The following SEMA6D variants were observed in gnomAD, a reference collection of about 807,000 sequenced individuals.
SEMA6D encodes semaphorin 6D.
Under a neutral mutation model 106.6 loss-of-function variants are expected in SEMA6D, and 35 were observed. The observed-to-expected ratio is 0.33, with a 90% CI of 0.25 to 0.44. SEMA6D has a LOEUF of 0.44. SEMA6D is among the 20% of genes least tolerant of loss of function. The pLI is 1.00. For missense variants in SEMA6D, 1,185 were observed against 1,345.9 expected (o/e 0.88, Z 1.87); for synonymous variants, 499 against 487.7 (o/e 1.02, Z -0.31).
intron 1 of SEMA6D, among the ~76,000 whole-genome samples, chr15:47,285,684 CACTT>C (rs1331815866): frequency 3.9e-5 from 6 of 152,146 alleles, no homozygotes; most frequent in Non-Finnish European, 5.9e-5. Flanking sequence ...CAAAAAACGT[CACTT>C]ACTGTGAGGA....
chr15:47,439,316 G>A (rs2041816019), intron 2 of SEMA6D, among the ~76,000 whole-genome samples: 1 of 152,080 alleles, frequency 6.6e-6, no homozygotes, highest in East Asian at 1.9e-4. Flanking sequence ...ATTTTTAAAA[G>A]CGTATATAAA....
At chr15:47,497,669 C>T (rs932228501) in intron 3 of SEMA6D, among the ~76,000 whole-genome samples, 1 of 152,064 alleles carries the variant, frequency 6.6e-6, no homozygotes, top group Admixed American at 6.6e-5. Context: ...CCCGATGCAC[C>T]TTGGCCAATT....
At chr15:47,296,496 A>G (rs2035807009) in intron 1 of SEMA6D, among the ~76,000 whole-genome samples, 1 of 152,252 alleles carries the variant, frequency 6.6e-6, no homozygotes, top group African/African-American at 2.4e-5. Context: ...TGACATTTAT[A>G]CATTTTCTTA....
At chr15:47,202,612 G>A (rs1434456738) in intron 1 of SEMA6D, among the ~76,000 whole-genome samples, 1 of 152,122 alleles carries the variant, frequency 6.6e-6, no homozygotes, top group African/African-American at 2.4e-5. Flanking sequence ...CAAGTCAAAC[G>A]GTCAAACCAT....
In SEMA6D at chr15:47,402,614, C is replaced by A. The variant is rs114591772; in HGVS notation, c.-238-9779C>A. On this transcript the variant is annotated intron_variant, in intron 1 of 19. Transcript: ENST00000558014. ...GCTAATAAGTGGAAAACAACATCAG[C>A]TTCTCTTTATCTGTTTCCACTGGGC... 4.0e-3 allele frequency among the ~76,000 whole-genome samples: 609 copies of A among 152,264 alleles called. 7 individuals carry two copies. The highest frequency in any genetic ancestry group is 0.014 in the African/African-American group (582 of 41,554).
intron 1 of SEMA6D, among the ~76,000 whole-genome samples, chr15:47,220,067 G>C (rs1245331487): frequency 6.6e-6 from 1 of 152,134 alleles, no homozygotes; most frequent in East Asian, 1.9e-4. Context: ...TGATACCTAG[G>C]CTCAGGATGA....
intron 4 of SEMA6D, among the ~76,000 whole-genome samples, chr15:47,637,220 A>T (rs971819472): frequency 6.6e-6 from 1 of 152,126 alleles, no homozygotes; most frequent in Non-Finnish European, 1.5e-5. Context: ...GCTCCAGGAG[A>T]CCTCAACTTA....
chr15:47,336,970 A>T (rs2037588847), intron 1 of SEMA6D, among the ~76,000 whole-genome samples: 1 of 152,110 alleles, frequency 6.6e-6, no homozygotes, highest in Non-Finnish European at 1.5e-5. Flanking sequence ...AGAGTTTAAC[A>T]GTGGTGGAAG....
At chr15:47,552,545 C>CAT (rs1025966287) in intron 3 of SEMA6D, among the ~76,000 whole-genome samples, 2 of 145,502 alleles carry the variant, frequency 1.4e-5, no homozygotes, top group Non-Finnish European at 3.0e-5. Context: ...CACACACACA[C>CAT]ACACACACAC....
chr15:47,460,879 C>A (rs1236953675), intron 2 of SEMA6D, among the ~76,000 whole-genome samples: 1 of 152,046 alleles, frequency 6.6e-6, no homozygotes, highest in Non-Finnish European at 1.5e-5. Context: ...ATTAACTCAA[C>A]TAACTATGCC....
At chr15:47,597,120 A>G (rs1003856062) in intron 3 of SEMA6D, among the ~76,000 whole-genome samples, 2 of 152,094 alleles carry the variant, frequency 1.3e-5, no homozygotes. Flanking sequence ...GGCAACAGAT[A>G]TATGAAAAAA....
chr15:47,728,599 C>T (rs1186822659), intron 1 of SEMA6D, among the ~76,000 whole-genome samples: 4 of 152,176 alleles, frequency 2.6e-5, no homozygotes, highest in South Asian at 4.1e-4. Context: ...GCTGTTGTAA[C>T]GAATTTCCAC....
chr15:47,663,339 A>G (rs2077964846), intron 4 of SEMA6D, among the ~76,000 whole-genome samples: 1 of 152,130 alleles, frequency 6.6e-6, no homozygotes, highest in African/African-American at 2.4e-5. Flanking sequence ...GAAATGTGTA[A>G]TTCCTTTTGG....
intron 1 of SEMA6D, among the ~76,000 whole-genome samples, chr15:47,351,445 A>C (rs564386075): frequency 6.6e-6 from 1 of 152,174 alleles, no homozygotes; most frequent in Non-Finnish European, 1.5e-5. Context: ...TTTAATATGA[A>C]AATTCCCTCA....
At chr15:47,235,626 TGTAA>T (rs1227916777) in intron 1 of SEMA6D, among the ~76,000 whole-genome samples, 1 of 152,136 alleles carries the variant, frequency 6.6e-6, no homozygotes, top group Non-Finnish European at 1.5e-5. Context: ...ATCAGTTGGT[TGTAA>T]GTATTTGTTT....
intron 3 of SEMA6D, among the ~76,000 whole-genome samples, chr15:47,526,448 G>C (rs913249719): frequency 2.0e-5 from 3 of 152,168 alleles, no homozygotes; most frequent in African/African-American, 7.2e-5. Flanking sequence ...GCCATGACTT[G>C]AGGGGCACTA....
At chr15:47,730,181 T>A in intron 1 of SEMA6D, 1 of 1,535,464 alleles carries the variant, frequency 6.5e-7, no homozygotes, top group Non-Finnish European at 8.9e-7. Flanking sequence ...CTTTGCCTTT[T>A]CGAGCTTGGC....
At chr15:47,431,135 A>G (rs368857755) in intron 2 of SEMA6D, among the ~76,000 whole-genome samples, 4 of 152,136 alleles carry the variant, frequency 2.6e-5, no homozygotes, top group African/African-American at 9.7e-5. Flanking sequence ...CATGAAAACT[A>G]TTGGGCTCAT....
chr15:47,674,998 G>A (rs1344238462), intron 4 of SEMA6D, among the ~76,000 whole-genome samples: 2 of 152,164 alleles, frequency 1.3e-5, no homozygotes, highest in South Asian at 2.1e-4. Flanking sequence ...GCCTCCGCAT[G>A]AGCAAATAAA....
Sources: allele counts gnomAD v4.1 joint callset (sites outside exome capture counted in the v4.1 genomes callset), GRCh38; gene constraint gnomAD v4.1.1; transcripts MANE v1.5; gene names NCBI Gene and HGNC (gene_info 2026-07-23, HGNC 2026-07-21).